ZCWPW2: variants seen among roughly 807,000 people sequenced by gnomAD.
ZCWPW2 encodes zinc finger CW-type and PWWP domain containing 2.
Under a neutral mutation model 46.6 loss-of-function variants are expected in ZCWPW2, and 45 were observed. That is an observed-to-expected ratio of 0.96 (90% confidence interval 0.76 to 1.24). ZCWPW2 has a LOEUF of 1.24. Among genes scored for constraint, ZCWPW2 ranks in the 50% most tolerant of loss-of-function variants. The probability of loss-of-function intolerance (pLI) is 0.00; values close to 1 mark genes in which losing one functional copy is unlikely to be tolerated. For synonymous variants in ZCWPW2, 152 were observed against 137.1 expected, an observed-to-expected ratio of 1.11 and a Z score of -0.76; for missense variants, 429 against 403.9, an observed-to-expected ratio of 1.06 and a Z score of -0.53.
At position 28,515,627 on chromosome 3, in the gene ZCWPW2, T is replaced by A; in HGVS notation, c.784+6T>A. On this transcript the variant is annotated splice_donor_region_variant and intron_variant, in intron 8 of 9. Coordinates refer to ENST00000383768, the MANE Select transcript of ZCWPW2 (RefSeq NM_001040432.4). ...CTTATCAAAGGAGAACAGGGGTATG[T>A]GAAAGCCTGTCCTGCTTTTAGTTCT... is the stretch of plus-strand genomic sequence containing the variant. The A allele has an allele frequency of 1.9e-6, 3 of 1,601,398 alleles. No homozygotes were observed. The highest frequency in any genetic ancestry group is 2.5e-6 in the Non-Finnish European group (3 of 1,177,892).
chr3:28,427,990 AT>A (rs1208443274), intron 3 of ZCWPW2: 1 of 152,094 alleles, frequency 6.6e-6, no homozygotes, highest in African/African-American at 2.4e-5. Context: ...TTGTTTCTAA[AT>A]TTCTGTTAAG....
In ZCWPW2 at chr3:28,466,438, G is replaced by A. The variant is rs541460431; in HGVS notation, c.493-12376G>A. Among the ~76,000 whole-genome samples, 8 of 152,312 alleles carry A rather than the reference G, an allele frequency of 5.3e-5. No individual in the cohort carries two copies. In the South Asian group the frequency reaches 1.7e-3, roughly 32 times the overall value. On this transcript the variant is annotated intron_variant, in intron 4 of 9. Coordinates refer to ENST00000383768, the MANE Select transcript of ZCWPW2 (RefSeq NM_001040432.4). Reference sequence around the variant, plus strand: ...AACAAAACATAAATAATACACTGGTGTAAGCCTAAGAAGCAATGTGCAAGA... The same window carrying A: ...AACAAAACATAAATAATACACTGGTATAAGCCTAAGAAGCAATGTGCAAGA...
chr3:28,455,782 A>G (rs575628088), intron 4 of ZCWPW2, among the ~76,000 whole-genome samples: 83 of 152,232 alleles, frequency 5.5e-4, no homozygotes, highest in Non-Finnish European at 8.7e-4. Flanking sequence ...TTTGTTTAAG[A>G]TCAGATAACT....
chr3:28,494,434 C>CGAAA (rs1163791718), intron 6 of ZCWPW2, among the ~76,000 whole-genome samples: 1 of 143,266 alleles, frequency 7.0e-6, no homozygotes, highest in Non-Finnish European at 1.5e-5. Context: ...TTGTTTTTCT[C>CGAAA]AGGTTTGTCA....
chr3:28,407,455 A>G (rs1696211089), intron 2 of ZCWPW2, among the ~76,000 whole-genome samples: 1 of 152,168 alleles, frequency 6.6e-6, no homozygotes, highest in Admixed American at 6.5e-5. Context: ...TCATCCATTT[A>G]TTCAAAAAAC....
At chr3:28,409,857 T>C (rs1328842756) in intron 2 of ZCWPW2, among the ~76,000 whole-genome samples, 1 of 152,102 alleles carries the variant, frequency 6.6e-6, no homozygotes, top group Non-Finnish European at 1.5e-5. Context: ...TATATCAGTG[T>C]CAAAGTAAAT....
rs148958038 is a variant in ZCWPW2 at position 28,442,906 on chromosome 3, A to G, written c.492+7637A>G. On this transcript the variant is annotated intron_variant, in intron 4 of 9. Transcript: ENST00000383768. ...CTCCAGGGATGTGATATTGTTTTTC[A>G]TTTACTATTTCTCTAGGTAGAGGCA... 2.5e-3 allele frequency among the ~76,000 whole-genome samples: 385 copies of G among 152,158 alleles called. 1 individual carries two copies. The highest frequency in any genetic ancestry group is 8.4e-3 in the African/African-American group (349 of 41,506).
rs970373616 is a variant in ZCWPW2, at chr3:28,413,412, G to T, written c.332+12G>T. On this transcript the variant is annotated intron_variant, in intron 3 of 9. Coordinates refer to ENST00000383768, the MANE Select transcript of ZCWPW2 (RefSeq NM_001040432.4). ...CAGAATTGGCCAAGGTAAGGTTTGTGTAGTTTTATGACTTTTGAAATGTAG... is the reference window on the plus strand; with the variant it reads ...CAGAATTGGCCAAGGTAAGGTTTGTTTAGTTTTATGACTTTTGAAATGTAG... The T allele has an allele frequency of 1.3e-6, 2 of 1,585,442 alleles. No homozygotes were observed. The highest frequency in any genetic ancestry group is 1.4e-5 in the African/African-American group (1 of 73,916).
At chr3:28,490,867 G>A (rs1244888058) in intron 5 of ZCWPW2, among the ~76,000 whole-genome samples, 1 of 151,940 alleles carries the variant, frequency 6.6e-6, no homozygotes, top group Admixed American at 6.6e-5. Flanking sequence ...CCGATACCAA[G>A]TAAATGATCA....
intron 5 of ZCWPW2, 99 bp from the exon 6 acceptor site, chr3:28,492,028 G>A: frequency 8.4e-7 from 1 of 1,186,670 alleles, no homozygotes; most frequent in Non-Finnish European, 1.2e-6. Flanking sequence ...TGTTACAATA[G>A]TAATGAGAAA....
At position 28,413,389 on chromosome 3, in the gene ZCWPW2, G is replaced by A. The variant is rs1291845455; in HGVS notation, c.321G>A (p.Gln107=). 6.2e-7 allele frequency: 1 copy of A among 1,607,318 alleles called. No homozygotes were observed. ...PLGSLVLVKL[Q]NWPSWPGILC... ...GAAGCCTGGTTTTGGTAAAATTACAGAATTGGCCAAGGTAAGGTTTGTGTA... is the reference window on the plus strand; with the variant it reads ...GAAGCCTGGTTTTGGTAAAATTACAAAATTGGCCAAGGTAAGGTTTGTGTA... The change falls in exon 3 of 10, where the codon CAG becomes CAA. Residue 107 remains glutamine, a synonymous_variant. Transcript: ENST00000383768.
Position 28,396,270 on chromosome 3 carries a change from A to C in ZCWPW2, c.-14+5653A>C, listed in dbSNP as rs552416748. The stretch of plus-strand genomic sequence containing the variant: ...AATTATACTTCATACTGGTTATTCA[A>C]CTTCAATTCTTGATATTTTTCTGCT... On this transcript the variant is annotated intron_variant, in intron 2 of 9. Transcript: ENST00000383768. Among the ~76,000 whole-genome samples the C allele has an allele frequency of 3.8e-4, 58 of 152,266 alleles. 2 individuals are homozygous for C. The East Asian group carries it at 9.3e-3, about 24-fold the overall frequency.
At chr3:28,459,723 A>G (rs1698556296) in intron 4 of ZCWPW2, among the ~76,000 whole-genome samples, 1 of 152,070 alleles carries the variant, frequency 6.6e-6, no homozygotes, top group Admixed American at 6.5e-5. Context: ...TCTCTTCTCA[A>G]AATCTGATTT....
intron 1 of ZCWPW2, among the ~76,000 whole-genome samples, chr3:28,358,518 G>C (rs1289299591): frequency 6.6e-6 from 1 of 152,126 alleles, no homozygotes; most frequent in Non-Finnish European, 1.5e-5. Flanking sequence ...TGAAAATTAT[G>C]AATCTGGTTC....
At chr3:28,357,165 CAA>C (rs1483726087) in intron 1 of ZCWPW2, among the ~76,000 whole-genome samples, 1 of 151,826 alleles carries the variant, frequency 6.6e-6, no homozygotes, top group Non-Finnish European at 1.5e-5. Flanking sequence ...ACCAGGAAGA[CAA>C]AGCAATTATT....
intron 2 of ZCWPW2, among the ~76,000 whole-genome samples, chr3:28,405,565 T>G (rs1341862540): frequency 2.0e-5 from 3 of 152,162 alleles, no homozygotes; most frequent in African/African-American, 7.2e-5. Context: ...AACCTCTGCC[T>G]TCCAGTTTCA....
At chr3:28,443,041 G>A (rs1697833039) in intron 4 of ZCWPW2, among the ~76,000 whole-genome samples, 1 of 152,178 alleles carries the variant, frequency 6.6e-6, no homozygotes, top group Non-Finnish European at 1.5e-5. Context: ...TGCGAATTAT[G>A]CATTCTGGCA....
chr3:28,378,270 G>C (rs1229203851), intron 1 of ZCWPW2, among the ~76,000 whole-genome samples: 1 of 151,774 alleles, frequency 6.6e-6, no homozygotes, highest in African/African-American at 2.4e-5. Context: ...GATAAATGTA[G>C]TTTAAAGATT....
chr3:28,423,521 C>G (rs1696882170), intron 3 of ZCWPW2, among the ~76,000 whole-genome samples: 1 of 151,808 alleles, frequency 6.6e-6, no homozygotes, highest in South Asian at 2.1e-4. Context: ...TGCCTGCTAC[C>G]ACGCCCAGCT....
Sources: gnomAD v4.1 joint callset for allele counts (sites outside exome capture counted in the v4.1 genomes callset) on GRCh38, gnomAD v4.1.1 for gene constraint, MANE v1.5 for transcripts, NCBI Gene and HGNC (gene_info 2026-07-23, HGNC 2026-07-21) for gene names.